The following ATP7B variants were observed in gnomAD, a reference collection of about 807,000 sequenced individuals.
The protein encoded by ATP7B is copper-transporting ATPase 2.
In ATP7B, 113 loss-of-function variants were observed where a neutral mutation model predicts 118.9. That is an observed-to-expected ratio of 0.95 (90% CI 0.82 to 1.11). The LOEUF (loss-of-function observed/expected upper bound fraction) is 1.11. Ranked by LOEUF, ATP7B falls within the 50% of genes most tolerant of loss-of-function variation. ATP7B has a pLI of 0.00. For missense variants in ATP7B, 1,867 were observed against 1,871.4 expected (o/e 1.00, Z 0.04); for synonymous variants, 777 against 727.4 (o/e 1.07, Z -1.10).
intron 4 of ATP7B, among the ~76,000 whole-genome samples, chr13:51,967,322 A>T (rs545143008): frequency 1.3e-5 from 2 of 152,262 alleles, no homozygotes; most frequent in Non-Finnish European, 2.9e-5. Flanking sequence ...AATTAGGATT[A>T]TCCCTTTGTT....
chr13:51,941,054 C>G, intron 16 of ATP7B, 27 bp downstream of exon 16: 1 of 1,613,932 alleles, frequency 6.2e-7, no homozygotes, highest in Non-Finnish European at 8.5e-7. Context: ...TCTGAGAGAG[C>G]GGAAGGAAGG....
At chr13:51,980,238 A>G (rs539052666) in intron 1 of ATP7B, among the ~76,000 whole-genome samples, 1 of 152,278 alleles carries the variant, frequency 6.6e-6, no homozygotes, top group South Asian at 2.1e-4. Flanking sequence ...TCTAATTCCC[A>G]CTAGATTCTG....
intron 3 of ATP7B, 121 bp downstream of exon 3, chr13:51,970,371 T>TA (rs1951779069): frequency 2.2e-6 from 3 of 1,384,972 alleles, no homozygotes; most frequent in Non-Finnish European, 3.1e-6. Flanking sequence ...TTATGCTATA[T>TA]AATGAACTTG....
chr13:51,935,761 C>T (rs1057375291), intron 19 of ATP7B, 66 bp from the exon 20 acceptor site: 6 of 1,449,994 alleles, frequency 4.1e-6, no homozygotes, highest in Non-Finnish European at 5.7e-6. Context: ...GGGCTTCAGG[C>T]ACCGGGCTGC....
intron 1 of ATP7B, among the ~76,000 whole-genome samples, chr13:51,989,747 G>A (rs1166818108): frequency 6.6e-6 from 1 of 152,126 alleles, no homozygotes; most frequent in Non-Finnish European, 1.5e-5. Context: ...CCGTTTCAGA[G>A]AATGTGCTGC....
chr13:51,957,420 A>G, intron 9 of ATP7B, 96 bp downstream of exon 9: 1 of 1,250,648 alleles, frequency 8.0e-7, no homozygotes, highest in Non-Finnish European at 1.2e-6. Context: ...CACACTCACA[A>G]GGTCTATTGC....
At chr13:52,011,898 GA>G, upstream of ATP7B, 1 of 268,446 alleles carries the variant, frequency 3.7e-6, no homozygotes, top group East Asian at 1.1e-4. Flanking sequence ...CGCCTGCGGG[GA>G]AGGTGCCCGG....
chr13:52,011,743 G>A (rs548676341), upstream of ATP7B, among the ~76,000 whole-genome samples: 284 of 152,370 alleles, frequency 1.9e-3, no homozygotes, highest in African/African-American at 6.6e-3. Flanking sequence ...GCCGCAGGGC[G>A]GAGGCCTGTC....
chr13:52,003,946 C>A (rs1468114808), intron 1 of ATP7B, among the ~76,000 whole-genome samples: 1 of 152,166 alleles, frequency 6.6e-6, no homozygotes, highest in African/African-American at 2.4e-5. Context: ...GTCAGGGCTC[C>A]TAAGCAGGCT....
At chr13:51,991,892 A>G (rs925365996) in intron 1 of ATP7B, among the ~76,000 whole-genome samples, 1 of 152,134 alleles carries the variant, frequency 6.6e-6, no homozygotes, top group Admixed American at 6.5e-5. Flanking sequence ...ATTAATTCCT[A>G]GGAACCTCAC....
chr13:51,996,314 G>C (rs1953202928), intron 1 of ATP7B, among the ~76,000 whole-genome samples: 1 of 152,082 alleles, frequency 6.6e-6, no homozygotes, highest in Non-Finnish European at 1.5e-5. Context: ...TTCCACATGG[G>C]GATTAATAGG....
chr13:51,995,050 T>C (rs1953135378), intron 1 of ATP7B, among the ~76,000 whole-genome samples: 1 of 152,246 alleles, frequency 6.6e-6, no homozygotes, highest in Non-Finnish European at 1.5e-5. Flanking sequence ...GAAGGATTCA[T>C]TTTTGTTTGA....
At chr13:51,961,395 C>T (rs1958733098) in intron 6 of ATP7B, among the ~76,000 whole-genome samples, 1 of 152,074 alleles carries the variant, frequency 6.6e-6, no homozygotes, top group African/African-American at 2.4e-5. Flanking sequence ...TCTTTCCACT[C>T]AGCCATTATG....
chr13:51,964,816 G>C lies in ATP7B; in HGVS notation c.1869+56C>G, dbSNP rs1311201299. On this transcript the variant is annotated intron_variant, in intron 5 of 20. Transcript: ENST00000242839. ...CTATATTTTCTCATTTTTCTTCACTGATTATATATTACTGTTTTTAAAAAG... is the reference window on the plus strand; with the variant it reads ...CTATATTTTCTCATTTTTCTTCACTCATTATATATTACTGTTTTTAAAAAG... 31 of 1,581,096 alleles carry C rather than the reference G, an allele frequency of 2.0e-5. No individual in the cohort carries two copies. In the East Asian group the frequency reaches 7.0e-4, roughly 36 times the overall value.
chr13:51,982,370 T>C (rs1952464856), intron 1 of ATP7B, among the ~76,000 whole-genome samples: 1 of 152,224 alleles, frequency 6.6e-6, no homozygotes, highest in Non-Finnish European at 1.5e-5. Context: ...CAGGCCTCAG[T>C]TTCCTTTAGG....
At chr13:52,004,120 G>A (rs1267670343) in intron 1 of ATP7B, among the ~76,000 whole-genome samples, 1 of 152,064 alleles carries the variant, frequency 6.6e-6, no homozygotes, top group African/African-American at 2.4e-5. Context: ...AAATTAGCCG[G>A]GCATGGTGGC....
rs1162227266 is a variant in ATP7B, at chr13:51,970,545, A to G, written c.1490T>C (p.Met497Thr). 1 of 1,614,172 alleles carries G rather than the reference A, an allele frequency of 6.2e-7. No homozygotes were observed. The highest frequency in any genetic ancestry group is 8.5e-7 in the Non-Finnish European group (1 of 1,180,036). Residue 497 changes from methionine (M) to threonine (T), a missense_variant, in exon 3 of 21, where the codon ATG becomes ACG. Transcript: ENST00000242839. ...GTTAGACACACAGGATGCACAGGTCATGCCTTTGATCTGTAAGAAGCACTT... is the reference window on the plus strand; with the variant it reads ...GTTAGACACACAGGATGCACAGGTCGTGCCTTTGATCTGTAAGAAGCACTT... ...PQKCFLQIKG[M>T]TCASCVSNIE...
At chr13:51,960,035 A>G in intron 7 of ATP7B, 113 bp downstream of exon 7, 1 of 1,393,544 alleles carries the variant, frequency 7.2e-7, no homozygotes, top group Non-Finnish European at 1.0e-6. Context: ...GAAAGCTGCA[A>G]TAAAGTGCCA....
At chr13:52,001,779 G>A (rs908992548) in intron 1 of ATP7B, among the ~76,000 whole-genome samples, 4 of 147,190 alleles carry the variant, frequency 2.7e-5, no homozygotes, top group East Asian at 2.0e-4. Flanking sequence ...AGTTTCACAA[G>A]TGCAGGAATC....
Sources: allele counts gnomAD v4.1 joint callset (sites outside exome capture counted in the v4.1 genomes callset), GRCh38; gene constraint gnomAD v4.1.1; transcripts MANE v1.5; gene names NCBI Gene and HGNC (gene_info 2026-07-23, HGNC 2026-07-21).